Variants in ST6GALNAC3 observed in about 807,000 individuals in gnomAD.
The protein encoded by ST6GALNAC3 is ST6 N-acetylgalactosaminide alpha-2,6-sialyltransferase 3, also known as alpha-N-acetylgalactosaminide alpha-2,6-sialyltransferase 3.
Under a neutral mutation model 32.7 loss-of-function variants are expected in ST6GALNAC3, and 25 were observed. That is an observed-to-expected ratio of 0.76 (90% CI 0.56 to 1.07). The LOEUF (loss-of-function observed/expected upper bound fraction) is 1.07. Among genes scored for constraint, ST6GALNAC3 ranks in the 50% least tolerant of loss-of-function variants. The probability of loss-of-function intolerance (pLI) is 0.00; values close to 1 mark genes in which losing one functional copy is unlikely to be tolerated. For missense variants in ST6GALNAC3, 355 were observed against 382.4 expected (o/e 0.93, Z 0.60); for synonymous variants, 129 against 133.1 (o/e 0.97, Z 0.21).
At chr1:76,424,808 A>G (rs1283311631) in intron 3 of ST6GALNAC3, among the ~76,000 whole-genome samples, 1 of 151,972 alleles carries the variant, frequency 6.6e-6, no homozygotes, top group Non-Finnish European at 1.5e-5. Flanking sequence ...TGGGCAAATC[A>G]GTGTATACCT....
intron 1 of ST6GALNAC3, among the ~76,000 whole-genome samples, chr1:76,270,431 T>TG (rs1658773098): frequency 7.2e-6 from 1 of 138,360 alleles, no homozygotes; most frequent in Non-Finnish European, 1.5e-5. Context: ...TGCTTGAACC[T>TG]GGGAGGCGGA....
At chr1:76,262,388 A>C (rs1396334805) in intron 1 of ST6GALNAC3, among the ~76,000 whole-genome samples, 1 of 152,214 alleles carries the variant, frequency 6.6e-6, no homozygotes, top group Non-Finnish European at 1.5e-5. Flanking sequence ...GTTCATATGG[A>C]AAGTTGTATG....
chr1:76,259,866 T>C (rs1658125130), intron 1 of ST6GALNAC3, among the ~76,000 whole-genome samples: 1 of 152,132 alleles, frequency 6.6e-6, no homozygotes, highest in Non-Finnish European at 1.5e-5. Context: ...AAAATTTAAA[T>C]GACCCCCTTC....
intron 3 of ST6GALNAC3, among the ~76,000 whole-genome samples, chr1:76,506,395 A>G (rs929737141): frequency 6.6e-6 from 1 of 152,178 alleles, no homozygotes; most frequent in South Asian, 2.1e-4. Context: ...TTTTTCTTTC[A>G]GTGGTCTGCT....
At chr1:76,488,621 C>T (rs1183332686) in intron 3 of ST6GALNAC3, among the ~76,000 whole-genome samples, 2 of 152,154 alleles carry the variant, frequency 1.3e-5, no homozygotes, top group African/African-American at 2.4e-5. Context: ...TGGGTGAATT[C>T]AAGACATTGT....
chr1:76,421,881 A>G (rs1655050771), intron 3 of ST6GALNAC3, among the ~76,000 whole-genome samples: 1 of 152,004 alleles, frequency 6.6e-6, no homozygotes, highest in Non-Finnish European at 1.5e-5. Flanking sequence ...TTTCCTTAGA[A>G]TAAAAACACG....
At chr1:76,452,374 C>A (rs181388709) in intron 3 of ST6GALNAC3, among the ~76,000 whole-genome samples, 1 of 152,228 alleles carries the variant, frequency 6.6e-6, no homozygotes, top group East Asian at 1.9e-4. Context: ...TATAAATTAC[C>A]CAGTCTCAGG....
intron 1 of ST6GALNAC3, among the ~76,000 whole-genome samples, chr1:76,264,770 T>C (rs530778450): frequency 6.6e-6 from 1 of 152,148 alleles, no homozygotes; most frequent in Non-Finnish European, 1.5e-5. Flanking sequence ...TAAACCTCTC[T>C]GAAATAGTAG....
At chr1:76,191,277 C>T (rs993873595) in intron 1 of ST6GALNAC3, among the ~76,000 whole-genome samples, 16 of 151,744 alleles carry the variant, frequency 1.1e-4, no homozygotes, top group African/African-American at 3.4e-4. Context: ...ACCATATGAT[C>T]TCACTCTTAC....
At position 76,535,735 on chromosome 1, in the gene ST6GALNAC3, T is replaced by A. The variant is rs1570151933; in HGVS notation, c.624-91717T>A. Among the ~76,000 whole-genome samples, 4 of 152,300 alleles carry A rather than the reference T, an allele frequency of 2.6e-5. No homozygotes were observed. The South Asian group carries it at 8.3e-4, about 32-fold the overall frequency. On this transcript the variant is annotated intron_variant, in intron 3 of 4. Transcript: ENST00000328299. The stretch of plus-strand genomic sequence containing the variant: ...CTAGTTTCTCTTATCCTCAGGGAAG[T>A]GAATCCAAATATTGGATAAACCATT...
intron 3 of ST6GALNAC3, among the ~76,000 whole-genome samples, chr1:76,436,701 C>T (rs1656169901): frequency 1.3e-5 from 2 of 152,040 alleles, no homozygotes; most frequent in South Asian, 2.1e-4. Context: ...AATAATTTTT[C>T]CTTCATGAGG....
chr1:76,213,807 A>G (rs1655304955), intron 1 of ST6GALNAC3, among the ~76,000 whole-genome samples: 1 of 152,134 alleles, frequency 6.6e-6, no homozygotes, highest in Non-Finnish European at 1.5e-5. Flanking sequence ...CCTGGCCACC[A>G]TCATCTGATT....
chr1:76,510,429 T>C (rs1661781789), intron 3 of ST6GALNAC3, among the ~76,000 whole-genome samples: 1 of 151,734 alleles, frequency 6.6e-6, no homozygotes. Flanking sequence ...CAGCCAGTTA[T>C]TACACATAAA....
chr1:76,120,522 TGATA>T (rs1230862791), intron 1 of ST6GALNAC3, among the ~76,000 whole-genome samples: 1 of 152,222 alleles, frequency 6.6e-6, no homozygotes, highest in Non-Finnish European at 1.5e-5. Context: ...CTTTGATCCT[TGATA>T]GATAAAGAAG....
At chr1:76,521,086 A>G (rs1308247713) in intron 3 of ST6GALNAC3, among the ~76,000 whole-genome samples, 1 of 152,070 alleles carries the variant, frequency 6.6e-6, no homozygotes, top group Non-Finnish European at 1.5e-5. Context: ...TTAATGCCTA[A>G]GAGATAAAAA....
chr1:76,508,107 C>A (rs1228544103), intron 3 of ST6GALNAC3, among the ~76,000 whole-genome samples: 1 of 152,106 alleles, frequency 6.6e-6, no homozygotes, highest in African/African-American at 2.4e-5. Flanking sequence ...CTTAGATCAG[C>A]GGTTTCCAAC....
At chr1:76,269,931 A>AG (rs1658741066) in intron 1 of ST6GALNAC3, among the ~76,000 whole-genome samples, 1 of 152,108 alleles carries the variant, frequency 6.6e-6, no homozygotes, top group South Asian at 2.1e-4. Context: ...AGGGAGGCAG[A>AG]GGTCCTCTTT....
chr1:76,270,321 AC>A (rs1452725437), intron 1 of ST6GALNAC3, among the ~76,000 whole-genome samples: 1 of 151,962 alleles, frequency 6.6e-6, no homozygotes, highest in Non-Finnish European at 1.5e-5. Context: ...AGCTTGGCCA[AC>A]ATGGTGAAAT....
chr1:76,248,401 TTC>T (rs1302437046), intron 1 of ST6GALNAC3, among the ~76,000 whole-genome samples: 1 of 152,206 alleles, frequency 6.6e-6, no homozygotes, highest in Non-Finnish European at 1.5e-5. Flanking sequence ...AAGAGGTAAC[TTC>T]TCTCTGTATC....
Sources: allele counts gnomAD v4.1 joint callset (sites outside exome capture counted in the v4.1 genomes callset), GRCh38; gene constraint gnomAD v4.1.1; transcripts MANE v1.5; gene names NCBI Gene and HGNC (gene_info 2026-07-23, HGNC 2026-07-21).